CSNK1G1: variants seen among roughly 807,000 people sequenced by gnomAD.
The protein encoded by CSNK1G1 is casein kinase I isoform gamma-1.
A neutral mutation model predicts 59.6 loss-of-function variants in CSNK1G1; 22 were observed. That is an observed-to-expected ratio of 0.37 (90% CI 0.26 to 0.53). The LOEUF (loss-of-function observed/expected upper bound fraction) is 0.53. CSNK1G1 is among the 20% of genes least tolerant of loss of function. The pLI, the probability that CSNK1G1 is intolerant of heterozygous loss-of-function variation, is 0.89. For synonymous variants in CSNK1G1, 179 were observed against 177.1 expected, an observed-to-expected ratio of 1.01 and a Z score of -0.08; for missense variants, 384 against 519.5, an observed-to-expected ratio of 0.74 and a Z score of 2.54.
chr15:64,251,758 G>A (rs961552267), intron 3 of CSNK1G1, among the ~76,000 whole-genome samples, 177 bp from the exon 4 acceptor site: 2 of 152,086 alleles, frequency 1.3e-5, no homozygotes, highest in Admixed American at 1.3e-4. Context: ...GAAGATGAAG[G>A]TGAATTACAT....
rs2081646169 is a variant in CSNK1G1, at chr15:64,169,968, C to G, written c.*1963G>C. 6.6e-6 allele frequency: 1 copy of G among 152,198 alleles called. No individual in the cohort carries two copies. Among genetic ancestry groups the G allele is most frequent in the African/African-American group, 2.4e-5 (1 of 41,436 alleles). 9.4% of individuals were successfully genotyped at this position (152,198 alleles called of 1,614,324 possible). On this transcript the variant is annotated 3_prime_UTR_variant, in exon 12 of 12. Transcript: ENST00000303052. ...TGGCAACTATCAGAAAATATCCCCACACCCTCCAGTACAAAAGACAGCCCT... is the reference window on the plus strand; with the variant it reads ...TGGCAACTATCAGAAAATATCCCCAGACCCTCCAGTACAAAAGACAGCCCT...
chr15:64,216,839 T>C lies in CSNK1G1; in HGVS notation c.293-126A>G, dbSNP rs1357163462. On this transcript the variant is annotated intron_variant, in intron 4 of 11. Coordinates refer to ENST00000303052, the MANE Select transcript of CSNK1G1 (RefSeq NM_022048.5). This position sits in a 1 kb window ranked among gnomAD's most constrained non-coding sequence, Gnocchi z 4.6. ...TTTGTGAGATTTCCATTTTCTTTCA[T>C]AGTCCCTACTGGAAACTCAAACTGA... The C allele has an allele frequency of 2.3e-5, 21 of 896,028 alleles. No homozygotes were observed. Among genetic ancestry groups the C allele is most frequent in the Non-Finnish European group, 3.5e-5 (21 of 606,090 alleles). 55.5% of individuals were successfully genotyped at this position (896,028 alleles called of 1,614,324 possible).
At chr15:64,293,042 T>G (rs957201559) in intron 2 of CSNK1G1, among the ~76,000 whole-genome samples, 1 of 152,178 alleles carries the variant, frequency 6.6e-6, no homozygotes, top group Non-Finnish European at 1.5e-5. Flanking sequence ...AGGAAAATAA[T>G]TTTATTTTAA....
intron 1 of CSNK1G1, among the ~76,000 whole-genome samples, chr15:64,336,966 A>T (rs936365438): frequency 6.6e-6 from 1 of 152,060 alleles, no homozygotes; most frequent in Non-Finnish European, 1.5e-5. Context: ...AGTGGCTCAC[A>T]CCTGTAATCC....
chr15:64,280,786 T>C (rs1470058227), intron 2 of CSNK1G1, among the ~76,000 whole-genome samples: 1 of 152,172 alleles, frequency 6.6e-6, no homozygotes. Flanking sequence ...AGCCCAAAGA[T>C]AGAAGCAACC....
At chr15:64,195,164 A>C (rs1272704415) in intron 10 of CSNK1G1, 1 of 152,242 alleles carries the variant, frequency 6.6e-6, no homozygotes. Flanking sequence ...AAACAAAACA[A>C]AACAAAACAC....
chr15:64,181,133 C>T lies in CSNK1G1; in HGVS notation c.1108-679G>A, dbSNP rs1233494748. 22 of 1,457,304 alleles carry T rather than the reference C, an allele frequency of 1.5e-5. 1 individual carries two copies. Among genetic ancestry groups the T allele is most frequent in the Admixed American group, 7.7e-5 (3 of 38,744 alleles). The allele number at this position is 1,457,304 out of a possible 1,614,324, so 90.3% of individuals were successfully genotyped here. A position where few individuals can be genotyped will look rare whatever the true frequency, so the allele number is the denominator to read the frequency against. ...AATAACAAGATTGTCACATCCTCTC[C>T]GACAAGAGGGAAGATGGTAAAAAAA... On this transcript the variant is annotated intron_variant, in intron 10 of 11. Coordinates refer to ENST00000303052, the MANE Select transcript of CSNK1G1 (RefSeq NM_022048.5).
At chr15:64,294,316 C>T (rs746184668) in intron 2 of CSNK1G1, among the ~76,000 whole-genome samples, 8 of 152,016 alleles carry the variant, frequency 5.3e-5, no homozygotes, top group Non-Finnish European at 7.4e-5. Context: ...TCAGGTGATC[C>T]GCCCACCTCG....
chr15:64,260,320 A>T (rs1173168159), intron 2 of CSNK1G1, among the ~76,000 whole-genome samples: 2 of 152,246 alleles, frequency 1.3e-5, no homozygotes, highest in Non-Finnish European at 2.9e-5. Context: ...AACTATTTTT[A>T]AAATATACCA....
intron 1 of CSNK1G1, among the ~76,000 whole-genome samples, chr15:64,304,643 T>A (rs931231007): frequency 2.6e-5 from 4 of 152,206 alleles, no homozygotes; most frequent in African/African-American, 9.6e-5. Flanking sequence ...TAAGTCATAT[T>A]ATAAAAGCAT....
rs141113538 is a variant in CSNK1G1 at position 64,197,629 on chromosome 15, C to T, written c.1107+5453G>A. 1.4e-3 allele frequency among the ~76,000 whole-genome samples: 220 copies of T among 152,284 alleles called. 1 individual carries two copies. Among genetic ancestry groups the T allele is most frequent in the African/African-American group, 4.7e-3 (195 of 41,544 alleles). ...CTGTTTCATTTGCCCTACTATAACC[C>T]ATCTAGACTCCCTCTACATCTCAAG... On this transcript the variant is annotated intron_variant, in intron 10 of 11. Coordinates refer to ENST00000303052, the MANE Select transcript of CSNK1G1 (RefSeq NM_022048.5).
In CSNK1G1 at chr15:64,300,727, G is replaced by A; in HGVS notation, c.-224-4C>T. 8.1e-7 allele frequency: 1 copy of A among 1,234,228 alleles called. No homozygotes were observed. Among genetic ancestry groups the A allele is most frequent in the Non-Finnish European group, 1.0e-6 (1 of 987,692 alleles). The allele number at this position is 1,234,228 out of a possible 1,614,324, so 76.5% of individuals were successfully genotyped here. On this transcript the variant is annotated splice_region_variant and splice_polypyrimidine_tract_variant and intron_variant, in intron 1 of 11. Transcript: ENST00000303052. ...TCTTAGGTGAACATCTTGTAACCTA[G>A]GTAAAAATCAAGAAAACATGTAGTT...
In CSNK1G1 at chr15:64,262,399, G is replaced by A. The variant is rs530897754; in HGVS notation, c.182-3158C>T. 2.8e-3 allele frequency among the ~76,000 whole-genome samples: 432 copies of A among 152,306 alleles called. 1 individual carries two copies. The highest frequency in any genetic ancestry group is 5.4e-3 in the Non-Finnish European group (367 of 68,018). ...AGTCCTGACGGATGAACAGAGGAGA[G>A]AATAAAAGGCATTTTCTATTTTTAA... On this transcript the variant is annotated intron_variant, in intron 2 of 11. Coordinates refer to ENST00000303052, the MANE Select transcript of CSNK1G1 (RefSeq NM_022048.5).
chr15:64,203,329 T>C, intron 9 of CSNK1G1, 140 bp from the exon 10 acceptor site: 1 of 661,842 alleles, frequency 1.5e-6, no homozygotes, highest in Non-Finnish European at 2.7e-6. Flanking sequence ...TGTCTTGTCT[T>C]CTCAGTTTGC....
At chr15:64,217,447 T>A (rs1447499626) in intron 4 of CSNK1G1, among the ~76,000 whole-genome samples, 1 of 152,198 alleles carries the variant, frequency 6.6e-6, no homozygotes, top group East Asian at 1.9e-4. Context: ...TGTGAATGAA[T>A]TTCCTTTATA....
At chr15:64,178,958 C>A (rs2081775566) in intron 11 of CSNK1G1, among the ~76,000 whole-genome samples, 1 of 151,036 alleles carries the variant, frequency 6.6e-6, no homozygotes, top group Non-Finnish European at 1.5e-5. Context: ...ATTATGTTGC[C>A]CAGGCTGGTC....
chr15:64,354,168 A>G (rs1484200656), intron 1 of CSNK1G1, among the ~76,000 whole-genome samples: 2 of 151,870 alleles, frequency 1.3e-5, no homozygotes, highest in African/African-American at 4.8e-5. Context: ...AGCTGGGTGT[A>G]GTGGCAGGCG....
At chr15:64,243,294 C>T (rs969523492) in intron 4 of CSNK1G1, among the ~76,000 whole-genome samples, 4 of 151,908 alleles carry the variant, frequency 2.6e-5, no homozygotes, top group Non-Finnish European at 5.9e-5. Flanking sequence ...CAAGATTGCG[C>T]CACTGCACTC....
chr15:64,258,736 C>T (rs1647180391), intron 3 of CSNK1G1, among the ~76,000 whole-genome samples: 2 of 152,044 alleles, frequency 1.3e-5, no homozygotes, highest in Admixed American at 1.3e-4. Flanking sequence ...TACCAATTGA[C>T]TTCTTTGCTT....
Sources: allele counts gnomAD v4.1 joint callset (sites outside exome capture counted in the v4.1 genomes callset), GRCh38; gene constraint gnomAD v4.1.1; non-coding constraint Gnocchi (gnomAD v3.1); transcripts MANE v1.5; gene names NCBI Gene and HGNC (gene_info 2026-07-23, HGNC 2026-07-21).